PAGR1: variants seen among roughly 807,000 people sequenced by gnomAD.
The protein encoded by PAGR1 is PAXIP1 associated glutamate rich protein 1.
Under a neutral mutation model 22.4 loss-of-function variants are expected in PAGR1, and 20 were observed. The ratio of observed to expected loss-of-function variants is 0.89; its 90% CI spans 0.63 to 1.30. The LOEUF is 1.30. Ranked by LOEUF, PAGR1 falls within the 50% of genes most tolerant of loss-of-function variation. PAGR1 has a pLI of 0.00. For synonymous variants in PAGR1, 161 were observed against 148.3 expected (o/e 1.09, Z -0.62); for missense variants, 338 against 343.6 (o/e 0.98, Z 0.13).
intron 2 of PAGR1, 157 bp from the exon 3 acceptor site, chr16:29,819,398 C>T (rs1900314926): frequency 2.8e-6 from 2 of 702,460 alleles, no homozygotes; most frequent in South Asian, 3.5e-5. Context: ...TTGCTTCTCA[C>T]CCTCTCTGAG....
intron 2 of PAGR1, 89 bp from the exon 3 acceptor site, chr16:29,819,466 C>T (rs1312753369): frequency 1.4e-6 from 2 of 1,390,336 alleles, no homozygotes; most frequent in Non-Finnish European, 1.0e-6. Context: ...GCATGTTTAA[C>T]CAGCTCCCCA....
At chr16:29,818,982 CTTTTT>C (rs926194798) in intron 2 of PAGR1, among the ~76,000 whole-genome samples, 4 of 151,898 alleles carry the variant, frequency 2.6e-5, no homozygotes, top group Non-Finnish European at 5.9e-5. Context: ...TCTCTGCACT[CTTTTT>C]TTTGTTTTTG....
chr16:29,816,174 G>T lies in PAGR1; in HGVS notation c.-352G>T. The T allele has an allele frequency of 2.8e-6, 1 of 353,456 alleles. No individual in the cohort carries two copies. Among genetic ancestry groups the T allele is most frequent in the Non-Finnish European group, 5.1e-6 (1 of 197,254 alleles). 21.9% of individuals were successfully genotyped at this position (353,456 alleles called of 1,614,324 possible). ...TCCAGGTGCGTACGGCATCTGACTT[G>T]ACGTGGCCCACAACTGAAAGGTCTG... is the stretch of plus-strand genomic sequence containing the variant. On this transcript the variant is annotated 5_prime_UTR_variant, in exon 1 of 3. Transcript: ENST00000320330.
At chr16:29,819,288 C>G in intron 2 of PAGR1, 1 of 474,112 alleles carries the variant, frequency 2.1e-6, no homozygotes, top group Non-Finnish European at 3.8e-6. Context: ...TTGAACAGAA[C>G]TCTGTTCTTG....
In PAGR1 at chr16:29,819,861, A is replaced by C; in HGVS notation, c.*107A>C. 1 of 1,259,172 alleles carries C rather than the reference A, an allele frequency of 7.9e-7. No individual in the cohort carries two copies. Among genetic ancestry groups the C allele is most frequent in the Non-Finnish European group, 1.1e-6 (1 of 928,232 alleles). The allele number at this position is 1,259,172 out of a possible 1,614,324, so 78.0% of individuals were successfully genotyped here. A position where few individuals can be genotyped will look rare whatever the true frequency, so the allele number is the denominator to read the frequency against. ...AACTTGGGAAGAAGAGAGAAACCTC[A>C]AGCTCCCAAACAGCACGTTGCGGGA... On this transcript the variant is annotated 3_prime_UTR_variant, in exon 3 of 3. Transcript: ENST00000320330.
chr16:29,816,999 A>G lies in PAGR1; in HGVS notation c.474A>G (p.Glu158=). The G allele has an allele frequency of 6.4e-7, 1 of 1,566,492 alleles. No homozygotes were observed. Among genetic ancestry groups the G allele is most frequent in the East Asian group, 2.3e-5 (1 of 43,224 alleles). ...SDEEPEAKEE[E]EEKPHMPTEF... ...AGGAGCCGGAGGCCAAAGAAGAGGAAGAGGAAAAGTAAAGGCACACCCTTA... is the reference window on the plus strand; with the variant it reads ...AGGAGCCGGAGGCCAAAGAAGAGGAGGAGGAAAAGTAAAGGCACACCCTTA... Residue 158 remains glutamate, a synonymous_variant, in exon 1 of 3, where the codon GAA becomes GAG. Transcript: ENST00000320330.
In PAGR1 at chr16:29,821,356, T is replaced by A. The variant is rs547499735; in HGVS notation, c.*1602T>A. 1.9e-4 allele frequency: 29 copies of A among 152,338 alleles called. No individual in the cohort carries two copies. The highest frequency in any genetic ancestry group is 5.8e-4 in the African/African-American group (24 of 41,572). 9.4% of individuals were successfully genotyped at this position (152,338 alleles called of 1,614,324 possible). On this transcript the variant is annotated 3_prime_UTR_variant, in exon 3 of 3. Transcript: ENST00000320330. ...GGGTCGGCCCTCGGGTGTGGCTGTT[T>A]GGGCAGGACAGCCCTCTGTATGTAG...
At chr16:29,817,716 C>A (rs1436351288) in intron 2 of PAGR1, among the ~76,000 whole-genome samples, 1 of 152,090 alleles carries the variant, frequency 6.6e-6, no homozygotes, top group African/African-American at 2.4e-5. Context: ...TTGTGATCCG[C>A]CCACCTCAGC....
At position 29,816,418 on chromosome 16, in the gene PAGR1, C is replaced by G. The variant is rs764111304; in HGVS notation, c.-108C>G. The G allele has an allele frequency of 3.4e-6, 4 of 1,161,300 alleles. No homozygotes were observed. Among genetic ancestry groups the G allele is most frequent in the Non-Finnish European group, 4.5e-6 (4 of 894,100 alleles). 71.9% of individuals were successfully genotyped at this position (1,161,300 alleles called of 1,614,324 possible). ...CTGGCCGCGGAGTCCCCTGCGGGAG[C>G]GTGATTGGCTGGAAACGGTCCCGAA... On this transcript the variant is annotated 5_prime_UTR_variant, in exon 1 of 3. Coordinates refer to ENST00000320330, the MANE Select transcript of PAGR1 (RefSeq NM_024516.4).
Position 29,819,700 on chromosome 16 carries a change from C to T in PAGR1, c.711C>T (p.Ser237=), listed in dbSNP as rs778398648. ...SLDSEDPSPA[S]PPLRSSGSSL... ...ACTCGGAGGACCCCAGCCCCGCCAG[C>T]CCCCCACTCCGATCCTCCGGGAGTA... The change falls in exon 3 of 3, where the codon AGC becomes AGT. Residue 237 remains serine (S), a synonymous_variant. Coordinates refer to ENST00000320330, the MANE Select transcript of PAGR1 (RefSeq NM_024516.4). 35 of 1,613,640 alleles carry T rather than the reference C, an allele frequency of 2.2e-5. No individual in the cohort carries two copies. The highest frequency in any genetic ancestry group is 2.9e-5 in the Non-Finnish European group (34 of 1,180,006).
rs771055518 is a variant in PAGR1 at position 29,821,068 on chromosome 16, T to C, written c.*1314T>C. 5.3e-5 allele frequency: 8 copies of C among 152,226 alleles called. No individual in the cohort carries two copies. Among genetic ancestry groups the C allele is most frequent in the Non-Finnish European group, 1.0e-4 (7 of 68,058 alleles). The allele number at this position is 152,226 out of a possible 1,614,324, so 9.4% of individuals were successfully genotyped here. On this transcript the variant is annotated 3_prime_UTR_variant, in exon 3 of 3. Coordinates refer to ENST00000320330, the MANE Select transcript of PAGR1 (RefSeq NM_024516.4). Reference sequence around the variant, plus strand: ...AGAGTGATTTCCAGAAGGCGTAGAATTTAGTGACCAAGGTTCTTTCCTTTT... The same window carrying C: ...AGAGTGATTTCCAGAAGGCGTAGAACTTAGTGACCAAGGTTCTTTCCTTTT...
In PAGR1 at chr16:29,819,898, A is replaced by C. The variant is rs1435693494; in HGVS notation, c.*144A>C. ...AGCACGTTGCGGGAAAGAGGAAGAG[A>C]GAGTGTGAGTGTGTGTGTGTGTTTT... On this transcript the variant is annotated 3_prime_UTR_variant, in exon 3 of 3. Coordinates refer to ENST00000320330, the MANE Select transcript of PAGR1 (RefSeq NM_024516.4). 9 of 908,078 alleles carry C rather than the reference A, an allele frequency of 9.9e-6. No homozygotes were observed. Among genetic ancestry groups the C allele is most frequent in the Non-Finnish European group, 1.5e-5 (9 of 617,460 alleles). 56.3% of individuals were successfully genotyped at this position (908,078 alleles called of 1,614,324 possible). A position where few individuals can be genotyped will look rare whatever the true frequency, so the allele number is the denominator to read the frequency against.
chr16:29,818,753 G>A (rs1261091252), intron 2 of PAGR1, among the ~76,000 whole-genome samples: 1 of 152,062 alleles, frequency 6.6e-6, no homozygotes, highest in Non-Finnish European at 1.5e-5. Context: ...AGTAGAGAGG[G>A]GGTTTCGCCA....
rs1200103958 is a variant in PAGR1 at position 29,819,968 on chromosome 16, A to C, written c.*214A>C. ...AGTGTGTGTGTGTGTTTTCTATTGA[A>C]CACCTATAGAGAGAGTGTGTGTGTT... On this transcript the variant is annotated 3_prime_UTR_variant, in exon 3 of 3. Transcript: ENST00000320330. 6 of 584,552 alleles carry C rather than the reference A, an allele frequency of 1.0e-5. No homozygotes were observed. In the Admixed American group the frequency reaches 1.2e-4, roughly 12 times the overall value. The allele number at this position is 584,552 out of a possible 1,614,324, so 36.2% of individuals were successfully genotyped here. A position where few individuals can be genotyped will look rare whatever the true frequency, so the allele number is the denominator to read the frequency against.
chr16:29,822,321 T>TAA lies in PAGR1; in HGVS notation c.*2579_*2580dup, dbSNP rs58807414. Among the ~76,000 whole-genome samples, 70 of 143,582 alleles carry TAA rather than the reference T, an allele frequency of 4.9e-4. No individual in the cohort carries two copies. Among genetic ancestry groups the TAA allele is most frequent in the African/African-American group, 1.4e-3 (57 of 39,734 alleles). 94.2% of individuals were successfully genotyped at this position (143,582 alleles called of 152,430 possible). A position where few individuals can be genotyped will look rare whatever the true frequency, so the allele number is the denominator to read the frequency against. Reference sequence around the variant, plus strand: ...AAAAGTTCCTAAAACTGTGCTGCTTTAAAAAAAAAAAAAGTAATTTATGAG... The same window carrying TAA: ...AAAAGTTCCTAAAACTGTGCTGCTTTAAAAAAAAAAAAAAAGTAATTTATGAG... On this transcript the variant is annotated 3_prime_UTR_variant, in exon 3 of 3. Coordinates refer to ENST00000320330, the MANE Select transcript of PAGR1 (RefSeq NM_024516.4).
chr16:29,817,984 T>A (rs1157251505), intron 2 of PAGR1: 2 of 152,114 alleles, frequency 1.3e-5, no homozygotes, highest in African/African-American at 2.4e-5. Context: ...AGATAATTCT[T>A]TTTTTAAAAA....
chr16:29,822,109 A>G lies in PAGR1; in HGVS notation c.*2355A>G, dbSNP rs2067366879. Among the ~76,000 whole-genome samples, 1 of 150,372 alleles carries G rather than the reference A, an allele frequency of 6.7e-6. No individual in the cohort carries two copies. ...TTTGTTTTTTTTTTTTTTTTAAAGA[A>G]TTATAGCTCAGTCCTATGATTAGGC... On this transcript the variant is annotated 3_prime_UTR_variant, in exon 3 of 3. Transcript: ENST00000320330.
rs1282503658 is a variant in PAGR1 at position 29,819,683 on chromosome 16, G to A, written c.694G>A (p.Asp232Asn). 2 of 1,613,716 alleles carry A rather than the reference G, an allele frequency of 1.2e-6. No homozygotes were observed. The highest frequency in any genetic ancestry group is 2.7e-5 in the African/African-American group (2 of 74,918). Residue 232 changes from aspartate to asparagine, a missense_variant, in exon 3 of 3, where the codon GAC (aspartate) becomes AAC (asparagine). By Grantham distance (23) the Asp-to-Asn change is conservative (BLOSUM62 1). Transcript: ENST00000320330. ...GGACCTCTTCAGCCTGGACTCGGAGGACCCCAGCCCCGCCAGCCCCCCACT... is the reference window on the plus strand; with the variant it reads ...GGACCTCTTCAGCCTGGACTCGGAGAACCCCAGCCCCGCCAGCCCCCCACT... Reference protein sequence around the residue: ...GRDLFSLDSEDPSPASPPLRS... With the variant: ...GRDLFSLDSENPSPASPPLRS...
In PAGR1 at chr16:29,819,551, C is replaced by G. The variant is rs370717894; in HGVS notation, c.566-4C>G. ...TCCATGTATCTTACCTTCCTCTTCT[C>G]CAGGAAGCTCAGCCCGGAGCCAGAA... On this transcript the variant is annotated splice_polypyrimidine_tract_variant and splice_region_variant and intron_variant, in intron 2 of 2. Transcript: ENST00000320330. 327 of 1,613,900 alleles carry G rather than the reference C, an allele frequency of 2.0e-4. No homozygotes were observed. The highest frequency in any genetic ancestry group is 2.6e-4 in the Non-Finnish European group (309 of 1,180,004).
Sources: gnomAD v4.1 joint callset for allele counts (sites outside exome capture counted in the v4.1 genomes callset) on GRCh38, gnomAD v4.1.1 for gene constraint, MANE v1.5 for transcripts, NCBI Gene and HGNC (gene_info 2026-07-23, HGNC 2026-07-21) for gene names.